Variants in KCNC1 observed in about 807,000 individuals in gnomAD.
The protein encoded by KCNC1 is voltage-gated potassium channel KCNC1.
In KCNC1, 8 loss-of-function variants were observed where a neutral mutation model predicts 43.4. That is an observed-to-expected ratio of 0.18 (90% confidence interval 0.11 to 0.33). The LOEUF (loss-of-function observed/expected upper bound fraction) is 0.33, where lower values mean the gene tolerates loss of function less well. Ranked by LOEUF, KCNC1 falls within the 10% of genes least tolerant of loss-of-function variation. KCNC1 has a pLI of 1.00. For missense variants in KCNC1, 420 were observed against 836.0 expected (o/e 0.50, Z 6.14); for synonymous variants, 361 against 360.5 (o/e 1.00, Z -0.01).
chr11:17,759,943 A>G (rs1346898422), intron 1 of KCNC1, among the ~76,000 whole-genome samples: 1 of 152,190 alleles, frequency 6.6e-6, no homozygotes, highest in East Asian at 1.9e-4. Flanking sequence ...AAAAATTGCA[A>G]TATCTGTGAA....
In KCNC1 at chr11:17,744,015, C is replaced by G. The variant is rs889427394; in HGVS notation, c.570+7443C>G. On this transcript the variant is annotated intron_variant, in intron 1 of 3. Coordinates refer to ENST00000265969, the MANE Select transcript of KCNC1 (RefSeq NM_001112741.2). The stretch of plus-strand genomic sequence containing the variant: ...CAGGCGGGCCCTCAGGATTAGAGAC[C>G]AGCCCCGGTGTGTGGAGAGATGAGG... Among the ~76,000 whole-genome samples the G allele has an allele frequency of 5.3e-5, 8 of 152,224 alleles. No homozygotes were observed. In the East Asian group the frequency reaches 7.7e-4, roughly 15 times the overall value.
intron 1 of KCNC1, among the ~76,000 whole-genome samples, chr11:17,770,482 G>A (rs1849212562): frequency 6.6e-6 from 1 of 152,184 alleles, no homozygotes. Context: ...GAGTCCCGGC[G>A]GGGCTGGCAG....
At chr11:17,769,602 G>A (rs1849199175) in intron 1 of KCNC1, among the ~76,000 whole-genome samples, 1 of 152,022 alleles carries the variant, frequency 6.6e-6, no homozygotes, top group South Asian at 2.1e-4. Flanking sequence ...AGCACTTTGG[G>A]AGGTCAAGGC....
At chr11:17,765,013 G>C (rs906812454) in intron 1 of KCNC1, among the ~76,000 whole-genome samples, 2 of 152,202 alleles carry the variant, frequency 1.3e-5, no homozygotes, top group Admixed American at 1.3e-4. Flanking sequence ...GCCTCTGGGG[G>C]CCTGGGGCCT....
In KCNC1 at chr11:17,781,444, T is replaced by C. The variant is rs1225041965; in HGVS notation, c.1694-226T>C. ...GAAGGCATGCAGGTGTGTGAGTCAA[T>C]GTGCAGAGCAGAAGTAGGGACTCAT... On this transcript the variant is annotated intron_variant, in intron 3 of 3. Coordinates refer to ENST00000265969, the MANE Select transcript of KCNC1 (RefSeq NM_001112741.2). This position sits in a 1 kb window ranked among gnomAD's most constrained non-coding sequence, Gnocchi z 5.1. 2 of 514,544 alleles carry C rather than the reference T, an allele frequency of 3.9e-6. No homozygotes were observed. The highest frequency in any genetic ancestry group is 1.9e-5 in the African/African-American group (1 of 51,520). 31.9% of individuals were successfully genotyped at this position (514,544 alleles called of 1,614,324 possible).
At chr11:17,749,655 C>A (rs117323833) in intron 1 of KCNC1, among the ~76,000 whole-genome samples, 3,269 of 152,328 alleles carry the variant, frequency 0.021, 63 homozygotes, top group Non-Finnish European at 0.037. Flanking sequence ...TGCTGGGCCA[C>A]CTGGAGTGAG....
At chr11:17,755,611 G>A (rs1006137894) in intron 1 of KCNC1, among the ~76,000 whole-genome samples, 8 of 151,914 alleles carry the variant, frequency 5.3e-5, no homozygotes, top group African/African-American at 1.9e-4. Context: ...TGTCAAGGAT[G>A]ACTCCAAGGT....
intron 1 of KCNC1, among the ~76,000 whole-genome samples, chr11:17,738,706 T>C (rs998539152): frequency 6.6e-6 from 1 of 152,184 alleles, no homozygotes; most frequent in Non-Finnish European, 1.5e-5. Flanking sequence ...TGAGGTTCTA[T>C]TGGTGTGCAA....
At chr11:17,753,455 C>T (rs1217327501) in intron 1 of KCNC1, among the ~76,000 whole-genome samples, 1 of 152,224 alleles carries the variant, frequency 6.6e-6, no homozygotes, top group East Asian at 1.9e-4. Flanking sequence ...CCTGGCTGGG[C>T]TGTCAGTCAG....
intron 1 of KCNC1, among the ~76,000 whole-genome samples, chr11:17,746,974 T>C (rs1848906402): frequency 6.6e-6 from 1 of 152,180 alleles, no homozygotes; most frequent in Non-Finnish European, 1.5e-5. Flanking sequence ...ACCCAGAACA[T>C]AGTAAGTGCT....
intron 1 of KCNC1, among the ~76,000 whole-genome samples, chr11:17,753,331 G>A (rs1848989362): frequency 6.6e-6 from 1 of 152,238 alleles, no homozygotes; most frequent in African/African-American, 2.4e-5. Context: ...TGGTCAAGCT[G>A]CAGCCCCTGA....
At chr11:17,764,104 C>T (rs1427926525) in intron 1 of KCNC1, among the ~76,000 whole-genome samples, 3 of 143,498 alleles carry the variant, frequency 2.1e-5, no homozygotes, top group Non-Finnish European at 4.6e-5. Flanking sequence ...GCCCCCCACA[C>T]ACCACCACAC....
intron 1 of KCNC1, among the ~76,000 whole-genome samples, chr11:17,752,734 C>T (rs1253464399): frequency 6.6e-6 from 1 of 152,164 alleles, no homozygotes; most frequent in Non-Finnish European, 1.5e-5. Flanking sequence ...CTCTCTGAGC[C>T]TCAGTTTCCT....
intron 1 of KCNC1, among the ~76,000 whole-genome samples, chr11:17,743,574 A>G (rs941178711): frequency 2.0e-5 from 3 of 152,204 alleles, no homozygotes; most frequent in Admixed American, 2.0e-4. Context: ...CTGGGACTCC[A>G]TATGGCCTAA....
intron 1 of KCNC1, among the ~76,000 whole-genome samples, chr11:17,763,229 A>G (rs1211380397): frequency 6.6e-6 from 1 of 151,960 alleles, no homozygotes; most frequent in African/African-American, 2.4e-5. Flanking sequence ...GGAAAGTGTC[A>G]CTGTGGAGAT....
Position 17,736,504 on chromosome 11 carries a change from T to C in KCNC1, c.502T>C (p.Phe168Leu). The change falls in exon 1 of 4, where the codon TTT (phenylalanine) becomes CTT (leucine). Residue 168 changes from phenylalanine (F) to leucine (L), a missense_variant. By Grantham distance (22) the Phe-to-Leu change is conservative. Coordinates refer to ENST00000265969, the MANE Select transcript of KCNC1 (RefSeq NM_001112741.2). The surrounding 1 kb of genome is among the most constrained non-coding windows in gnomAD (Gnocchi z 9.3). ...CTCCCCGGATGGCCGGCCTGGCGGC[T>C]TTTGGCGCCGCTGGCAGCCGCGCAT... ...SDSPDGRPGG[F>L]WRRWQPRIWA... is the part of the protein sequence containing the mutation. The C allele has an allele frequency of 3.1e-6, 5 of 1,590,242 alleles. No individual in the cohort carries two copies. Among genetic ancestry groups the C allele is most frequent in the Non-Finnish European group, 3.4e-6 (4 of 1,174,396 alleles).
Position 17,779,189 on chromosome 11 carries a change from A to C in KCNC1, c.1505-267A>C. 2 of 380,798 alleles carry C rather than the reference A, an allele frequency of 5.3e-6. No homozygotes were observed. The highest frequency in any genetic ancestry group is 4.6e-5 in the East Asian group (1 of 21,972). The allele number at this position is 380,798 out of a possible 1,614,324, so 23.6% of individuals were successfully genotyped here. On this transcript the variant is annotated intron_variant, in intron 2 of 3. Coordinates refer to ENST00000265969, the MANE Select transcript of KCNC1 (RefSeq NM_001112741.2). This position sits in a 1 kb window ranked among gnomAD's most constrained non-coding sequence, Gnocchi z 7.2. ...CCCCAGCACCACACCTGCTGGATCC[A>C]TCACCAACTCATCTTTTTGCAAACT... is the stretch of plus-strand genomic sequence containing the variant.
chr11:17,746,601 G>A (rs1033107154), intron 1 of KCNC1, among the ~76,000 whole-genome samples: 4 of 151,976 alleles, frequency 2.6e-5, no homozygotes, highest in Admixed American at 2.0e-4. Context: ...AAAGTTCTAG[G>A]CATTAGTCAC....
chr11:17,774,027 C>T, intron 2 of KCNC1: 1 of 985,534 alleles, frequency 1.0e-6, no homozygotes. Flanking sequence ...TCCCAATCCT[C>T]TTCTGGCTTT....
Sources: gnomAD v4.1 joint callset for allele counts (sites outside exome capture counted in the v4.1 genomes callset) on GRCh38, gnomAD v4.1.1 for gene constraint, Gnocchi (gnomAD v3.1) non-coding constraint, MANE v1.5 for transcripts, NCBI Gene and HGNC (gene_info 2026-07-23, HGNC 2026-07-21) for gene names.